Variants in ANKS1B observed in about 807,000 individuals in gnomAD.
ANKS1B encodes ankyrin repeat and sterile alpha motif domain-containing protein 1B.
A neutral mutation model predicts 148.3 loss-of-function variants in ANKS1B; 36 were observed. That is an observed-to-expected ratio of 0.24 (90% CI 0.19 to 0.32). ANKS1B has a LOEUF of 0.32. Among genes scored for constraint, ANKS1B ranks in the 10% least tolerant of loss-of-function variants. ANKS1B has a pLI of 1.00. For synonymous variants in ANKS1B, 542 were observed against 560.8 expected (o/e 0.97, Z 0.47); for missense variants, 1,157 against 1,542.6 (o/e 0.75, Z 4.19).
At chr12:99,397,157 A>G (rs1260504477) in intron 12 of ANKS1B, among the ~76,000 whole-genome samples, 2 of 152,164 alleles carry the variant, frequency 1.3e-5, no homozygotes, top group Admixed American at 6.6e-5. Context: ...GAATTATGTT[A>G]ATATCATTGT....
At chr12:99,837,794 T>C (rs1428810544) in intron 1 of ANKS1B, among the ~76,000 whole-genome samples, 1 of 152,160 alleles carries the variant, frequency 6.6e-6, no homozygotes, top group East Asian at 1.9e-4. Flanking sequence ...TTTACTTGTA[T>C]AAATATAAGG....
intron 16 of ANKS1B, among the ~76,000 whole-genome samples, chr12:99,065,630 CCATCCATCCCATCCATCCAT>C (rs1175665380): frequency 5.6e-5 from 7 of 124,780 alleles, no homozygotes; most frequent in East Asian, 4.5e-4. Flanking sequence ...ATCCATCCAT[CCATCCATCCCATCCATCCAT>C]CCATCCATCC....
chr12:99,289,832 T>A (rs1488016858), intron 12 of ANKS1B, among the ~76,000 whole-genome samples: 1 of 151,870 alleles, frequency 6.6e-6, no homozygotes, highest in Non-Finnish European at 1.5e-5. Flanking sequence ...AAACTTTATA[T>A]AAACTACTTA....
chr12:99,186,092 G>A (rs533561229), intron 14 of ANKS1B, among the ~76,000 whole-genome samples: 3 of 152,250 alleles, frequency 2.0e-5, no homozygotes, highest in African/African-American at 7.2e-5. Context: ...TTGAATAGGC[G>A]GTTTTCCCCT....
chr12:99,412,120 T>G (rs1594273335), intron 11 of ANKS1B, among the ~76,000 whole-genome samples: 1 of 152,232 alleles, frequency 6.6e-6, no homozygotes, highest in African/African-American at 2.4e-5. Flanking sequence ...TTATTAACTT[T>G]ATAAGTTCAA....
In ANKS1B at chr12:99,742,566, GA is replaced by G. The variant is rs1454702369; in HGVS notation, c.1128+30355del. 2.6e-5 allele frequency among the ~76,000 whole-genome samples: 4 copies of G among 151,704 alleles called. No individual in the cohort carries two copies. In the East Asian group the frequency reaches 7.8e-4, roughly 29 times the overall value. Reference sequence around the variant, plus strand: ...ACACTAGAATTTGGCTGGGTGCAGTGAATCACGCCTGTAATCCCAGCACTTT... The same window carrying G: ...ACACTAGAATTTGGCTGGGTGCAGTGATCACGCCTGTAATCCCAGCACTTT... On this transcript the variant is annotated intron_variant, in intron 8 of 26. Coordinates refer to ENST00000683438, the MANE Select transcript of ANKS1B (RefSeq NM_001352186.2).
chr12:99,875,465 A>G (rs1056450092), intron 1 of ANKS1B, among the ~76,000 whole-genome samples: 4 of 152,116 alleles, frequency 2.6e-5, no homozygotes, highest in Non-Finnish European at 5.9e-5. Flanking sequence ...TATAAACCAC[A>G]GCTCTTGTAC....
At chr12:98,847,560 A>G (rs1216570714) in intron 17 of ANKS1B, among the ~76,000 whole-genome samples, 2 of 151,814 alleles carry the variant, frequency 1.3e-5, no homozygotes, top group African/African-American at 2.4e-5. Context: ...TAATGCTGCA[A>G]TGAACACGGG....
intron 10 of ANKS1B, among the ~76,000 whole-genome samples, chr12:99,480,391 A>AT (rs921788404): frequency 6.6e-5 from 10 of 151,876 alleles, no homozygotes; most frequent in African/African-American, 1.9e-4. Context: ...CAATAAAGGA[A>AT]TTTTTTTGTT....
chr12:99,507,862 A>G (rs1052487245), intron 9 of ANKS1B, among the ~76,000 whole-genome samples: 3 of 151,844 alleles, frequency 2.0e-5, no homozygotes, highest in Non-Finnish European at 4.4e-5. Context: ...TACTCAGTTT[A>G]AGAGGTAGAA....
At chr12:98,910,791 A>G (rs771384281) in intron 17 of ANKS1B, among the ~76,000 whole-genome samples, 8 of 152,202 alleles carry the variant, frequency 5.3e-5, no homozygotes. Flanking sequence ...TCTATAGTCA[A>G]TTGGTTCTAT....
chr12:99,044,651 C>A lies in ANKS1B; in HGVS notation c.2778+8506G>T, dbSNP rs558410048. 7.2e-5 allele frequency among the ~76,000 whole-genome samples: 11 copies of A among 152,230 alleles called. No individual in the cohort carries two copies. The South Asian group carries it at 2.3e-3, about 32-fold the overall frequency. On this transcript the variant is annotated intron_variant, in intron 17 of 26. Transcript: ENST00000683438. ...CTGGGAGAAGCAGATGGCAACTAAG[C>A]TGTGAAAATAGGCTCCAAGGGACCA...
intron 9 of ANKS1B, among the ~76,000 whole-genome samples, chr12:99,579,037 T>C (rs760891194): frequency 6.6e-6 from 1 of 151,694 alleles, no homozygotes; most frequent in Non-Finnish European, 1.5e-5. Context: ...AACCCAGAAA[T>C]AAAGCTGCAC....
At chr12:99,114,889 G>A (rs913475014) in intron 15 of ANKS1B, among the ~76,000 whole-genome samples, 3 of 152,076 alleles carry the variant, frequency 2.0e-5, no homozygotes, top group African/African-American at 7.2e-5. Flanking sequence ...CATTATCACT[G>A]ATCATTAGAG....
intron 12 of ANKS1B, among the ~76,000 whole-genome samples, chr12:99,257,906 C>T (rs189788413): frequency 8.0e-4 from 122 of 152,258 alleles, no homozygotes; most frequent in Non-Finnish European, 1.6e-3. Flanking sequence ...GCACTCAGAA[C>T]AACAACAGCC....
intron 12 of ANKS1B, among the ~76,000 whole-genome samples, chr12:99,314,714 T>C (rs1313979928): frequency 6.6e-6 from 1 of 152,088 alleles, no homozygotes; most frequent in African/African-American, 2.4e-5. Context: ...TGGCTAGCCA[T>C]ATGCAGAAAA....
At position 99,588,103 on chromosome 12, in the gene ANKS1B, C is replaced by T. The variant is rs142429598; in HGVS notation, c.1272+66964G>A. 6.0e-5 allele frequency among the ~76,000 whole-genome samples: 9 copies of T among 151,086 alleles called. No individual in the cohort carries two copies. The Middle Eastern group carries it at 0.01, about 174-fold the overall frequency. ...ATAATGAAACAGTGCAAAGTTAATA[C>T]AGAAGAACAAATATCTGAAGGTTTT... On this transcript the variant is annotated intron_variant, in intron 9 of 26. Coordinates refer to ENST00000683438, the MANE Select transcript of ANKS1B (RefSeq NM_001352186.2).
chr12:99,566,445 C>CA (rs1218962491), intron 9 of ANKS1B, among the ~76,000 whole-genome samples: 4 of 152,174 alleles, frequency 2.6e-5, no homozygotes, highest in African/African-American at 9.7e-5. Context: ...AGCCTAACAG[C>CA]AGTGCTCTCA....
chr12:98,810,169 T>C (rs1381154747), intron 19 of ANKS1B, among the ~76,000 whole-genome samples: 4 of 152,248 alleles, frequency 2.6e-5, no homozygotes, highest in African/African-American at 7.2e-5. Context: ...GGACAAGAGA[T>C]TGATTCAGTA....
Sources: gnomAD v4.1 joint callset for allele counts (sites outside exome capture counted in the v4.1 genomes callset) on GRCh38, gnomAD v4.1.1 for gene constraint, MANE v1.5 for transcripts, NCBI Gene and HGNC (gene_info 2026-07-23, HGNC 2026-07-21) for gene names.